PTCH1: variants seen among roughly 807,000 people sequenced by gnomAD.
The protein encoded by PTCH1 is protein patched homolog 1.
Under a neutral mutation model 144.6 loss-of-function variants are expected in PTCH1, and 14 were observed. That is an observed-to-expected ratio of 0.10 (90% CI 0.06 to 0.15). The LOEUF is 0.15. Among genes scored for constraint, PTCH1 ranks in the 10% least tolerant of loss-of-function variants. The pLI, the probability that PTCH1 is intolerant of heterozygous loss-of-function variation, is 1.00. For missense variants in PTCH1, 1,623 were observed against 1,948.3 expected (o/e 0.83, Z 3.14); for synonymous variants, 833 against 793.6 (o/e 1.05, Z -0.83).
At chr9:95,456,770 A>G (rs1013741070) in intron 18 of PTCH1, among the ~76,000 whole-genome samples, 1 of 152,162 alleles carries the variant, frequency 6.6e-6, no homozygotes, top group Non-Finnish European at 1.5e-5. Context: ...TTCACAGTTT[A>G]CAACAAGACC....
In PTCH1 at chr9:95,508,364, T is replaced by TGCCGCC. The variant is rs71366293; in HGVS notation, c.-9_-4dup. On this transcript the variant is annotated 5_prime_UTR_variant, in exon 1 of 24. Transcript: ENST00000331920. ...GCGGCGTTACCAGCCGAGGCCATGT[T>TGCCGCC]GCCGCCGCCGCCGCCGCCGCCGCGG... is the stretch of plus-strand genomic sequence containing the variant. 1,118 of 1,163,802 alleles carry TGCCGCC rather than the reference T, an allele frequency of 9.6e-4. 5 individuals carry two copies. In the African/African-American group the frequency reaches 0.011, roughly 12 times the overall value. The allele number at this position is 1,163,802 out of a possible 1,614,324, so 72.1% of individuals were successfully genotyped here.
intron 2 of PTCH1, among the ~76,000 whole-genome samples, chr9:95,500,714 A>G (rs928312302): frequency 1.1e-4 from 17 of 152,204 alleles, no homozygotes; most frequent in Non-Finnish European, 1.9e-4. Context: ...CATCTGGAGG[A>G]GAATGAGACC....
chr9:95,491,876 T>G (rs988292158), intron 2 of PTCH1, among the ~76,000 whole-genome samples: 4 of 152,196 alleles, frequency 2.6e-5, no homozygotes, highest in African/African-American at 9.6e-5. Flanking sequence ...GAAGATGACA[T>G]GTTACAACTG....
chr9:95,512,814 A>G (rs547863469), upstream of PTCH1, among the ~76,000 whole-genome samples: 1 of 152,294 alleles, frequency 6.6e-6, no homozygotes, highest in African/African-American at 2.4e-5. Context: ...ACCCCTTGTG[A>G]CAGTTACCAA....
exon 1 of PTCH1, chr9:95,516,739 G>C (rs1464183427): frequency 6.2e-7 from 1 of 1,612,672 alleles, no homozygotes. Context: ...TAAAAACCCC[G>C]GCGCGCTGGG....
chr9:95,500,775 TA>T (rs1223931832), intron 2 of PTCH1, among the ~76,000 whole-genome samples: 2 of 152,198 alleles, frequency 1.3e-5, no homozygotes, highest in Non-Finnish European at 2.9e-5. Context: ...GTTATTTCAA[TA>T]TGCACAAAGG....
At position 95,461,998 on chromosome 9, in the gene PTCH1, C is replaced by T. The variant is rs2136689969; in HGVS notation, c.2561G>A (p.Gly854Glu). The T allele has an allele frequency of 1.2e-6, 2 of 1,614,208 alleles. No individual in the cohort carries two copies. Among genetic ancestry groups the T allele is most frequent in the African/African-American group, 2.7e-5 (2 of 75,052 alleles). Residue 854 changes from glycine (G) to glutamate (E), a missense_variant and splice_region_variant, in exon 16 of 24, where the codon GGA becomes GAA. This residue lies in a region of PTCH1 where 504 missense variants were observed against 679.3 expected (regional missense o/e 0.74). Transcript: ENST00000331920. ...GTCACTGTCAAATGCATCCTGAAGTCCTAGAAATGGCAAATGATTGTAACA... is the reference window on the plus strand; with the variant it reads ...GTCACTGTCAAATGCATCCTGAAGTTCTAGAAATGGCAAATGATTGTAACA... The part of the protein sequence containing the change: ...WLHYFRDWLQ[G>E]LQDAFDSDWE...
intron 15 of PTCH1, among the ~76,000 whole-genome samples, chr9:95,464,890 GC>G (rs1396157100): frequency 1.3e-5 from 2 of 152,108 alleles, no homozygotes; most frequent in Non-Finnish European, 2.9e-5. Flanking sequence ...CATTCAACAG[GC>G]CTGAAAAACG....
intron 1 of PTCH1, chr9:95,507,121 T>G (rs1323892992): frequency 2.0e-6 from 2 of 979,560 alleles, no homozygotes; most frequent in East Asian, 2.3e-4. Context: ...TAAGTGGGGA[T>G]CCACGTGGTG....
At position 95,508,876 on chromosome 9, in the gene PTCH1, G is replaced by A; in HGVS notation, c.-515C>T. Reference sequence around the variant, plus strand: ...CGAGCGGCCGCGGAGGGCAAGCGCAGAGCCGCCGCCGCCGCGGGGTCCGAG... The same window carrying A: ...CGAGCGGCCGCGGAGGGCAAGCGCAAAGCCGCCGCCGCCGCGGGGTCCGAG... On this transcript the variant is annotated 5_prime_UTR_variant, in exon 1 of 24. Coordinates refer to ENST00000331920, the MANE Select transcript of PTCH1 (RefSeq NM_000264.5). The A allele has an allele frequency of 2.1e-6, 2 of 950,992 alleles. No individual in the cohort carries two copies. 58.9% of individuals were successfully genotyped at this position (950,992 alleles called of 1,614,324 possible).
Position 95,476,263 on chromosome 9 carries a change from C to G in PTCH1, c.1603-104G>C, listed in dbSNP as rs1047263075. Reference sequence around the variant, plus strand: ...TGGCAGAATAACACAACTGTTATTACAGCTTATCATGCTGGCATTAGGGAA... The same window carrying G: ...TGGCAGAATAACACAACTGTTATTAGAGCTTATCATGCTGGCATTAGGGAA... On this transcript the variant is annotated intron_variant, in intron 11 of 23. Transcript: ENST00000331920. This position sits in a 1 kb window ranked among gnomAD's most constrained non-coding sequence, Gnocchi z 4.6. 1 of 1,478,538 alleles carries G rather than the reference C, an allele frequency of 6.8e-7. No homozygotes were observed. Among genetic ancestry groups the G allele is most frequent in the African/African-American group, 1.4e-5 (1 of 71,776 alleles). The allele number at this position is 1,478,538 out of a possible 1,614,324, so 91.6% of individuals were successfully genotyped here. A position where few individuals can be genotyped will look rare whatever the true frequency, so the allele number is the denominator to read the frequency against.
chr9:95,479,881 A>C (rs1841387630), intron 7 of PTCH1, 88 bp downstream of exon 7: 1 of 1,594,376 alleles, frequency 6.3e-7, no homozygotes, highest in Admixed American at 1.7e-5. Flanking sequence ...TATTAATACA[A>C]ATACACTTGC....
intron 2 of PTCH1, among the ~76,000 whole-genome samples, chr9:95,502,720 C>A (rs1488010129): frequency 6.6e-6 from 1 of 152,176 alleles, no homozygotes; most frequent in Non-Finnish European, 1.5e-5. Flanking sequence ...CACACGCACA[C>A]ACACGCGCAT....
chr9:95,506,961 G>C, intron 1 of PTCH1: 1 of 1,016,120 alleles, frequency 9.8e-7, no homozygotes, highest in Non-Finnish European at 1.2e-6. Flanking sequence ...GGGAGGGGCT[G>C]CGTAATCCCA....
At chr9:95,482,609 AG>A (rs1841639509) in intron 3 of PTCH1, 1 of 291,288 alleles carries the variant, frequency 3.4e-6, no homozygotes, top group Non-Finnish European at 6.6e-6. Flanking sequence ...TCAGGTGCGG[AG>A]ATGTTTTACT....
At chr9:95,468,706 T>C in intron 14 of PTCH1, 45 bp downstream of exon 14, 1 of 1,603,294 alleles carries the variant, frequency 6.2e-7, no homozygotes, top group Non-Finnish European at 8.5e-7. Context: ...AAAGGTTCTG[T>C]TATTTTTTTG....
intron 20 of PTCH1, chr9:95,452,536 A>G (rs1376741669): frequency 6.6e-6 from 1 of 152,252 alleles, no homozygotes; most frequent in Non-Finnish European, 1.5e-5. Flanking sequence ...AGGCTGCTCA[A>G]AGAAGCAAGT....
intron 19 of PTCH1, among the ~76,000 whole-genome samples, chr9:95,454,427 C>A (rs560130583): frequency 6.6e-6 from 1 of 152,192 alleles, no homozygotes; most frequent in Admixed American, 6.5e-5. Flanking sequence ...TACCTACCTG[C>A]AGAAGGACTG....
At chr9:95,477,777 A>C (rs1276835676) in intron 9 of PTCH1, 75 bp from the exon 10 acceptor site, 1 of 1,570,960 alleles carries the variant, frequency 6.4e-7, no homozygotes, top group Non-Finnish European at 8.7e-7. Flanking sequence ...GTTTCCCTCC[A>C]CCCATCACCC....
Sources: allele counts gnomAD v4.1 joint callset (sites outside exome capture counted in the v4.1 genomes callset), GRCh38; gene constraint gnomAD v4.1.1; regional missense constraint gnomAD v4.1.1; non-coding constraint Gnocchi (gnomAD v3.1); transcripts MANE v1.5; gene names NCBI Gene and HGNC (gene_info 2026-07-23, HGNC 2026-07-21).